Variants in HECW2 observed in about 807,000 individuals in gnomAD.
HECW2 encodes the protein HECT, C2 and WW domain containing E3 ubiquitin protein ligase 2.
Under a neutral mutation model 175.2 loss-of-function variants are expected in HECW2, and 61 were observed. That is an observed-to-expected ratio of 0.35 (90% CI 0.28 to 0.43). HECW2 has a LOEUF of 0.43. Ranked by LOEUF, HECW2 falls within the 20% of genes least tolerant of loss-of-function variation. HECW2 has a pLI of 1.00. For missense variants in HECW2, 1,524 were observed against 2,000.5 expected (o/e 0.76, Z 4.54); for synonymous variants, 671 against 731.0 (o/e 0.92, Z 1.32).
At chr2:196,308,521 C>G (rs542690061) in intron 10 of HECW2, among the ~76,000 whole-genome samples, 3 of 152,132 alleles carry the variant, frequency 2.0e-5, no homozygotes, top group Non-Finnish European at 2.9e-5. Context: ...GACTTCCACA[C>G]GCATATTCAT....
At chr2:196,241,922 G>T (rs1296137456) in intron 20 of HECW2, among the ~76,000 whole-genome samples, 162 bp downstream of exon 20, 3 of 152,092 alleles carry the variant, frequency 2.0e-5, no homozygotes, top group Non-Finnish European at 2.9e-5. Flanking sequence ...TTCATTCCAG[G>T]ACTATGTTTT....
chr2:196,468,672 A>G (rs74662570), intron 1 of HECW2, among the ~76,000 whole-genome samples: 156 of 152,280 alleles, frequency 1.0e-3, no homozygotes, highest in African/African-American at 3.6e-3. Flanking sequence ...CTGCTTGTTA[A>G]TATTTCCACT....
intron 2 of HECW2, among the ~76,000 whole-genome samples, chr2:196,425,729 G>C (rs1159879054): frequency 6.6e-6 from 1 of 152,032 alleles, no homozygotes; most frequent in Admixed American, 6.6e-5. Context: ...TAAAGAAAGT[G>C]GTTTCCTGAG....
chr2:196,560,209 G>A (rs191320390), intron 1 of HECW2, among the ~76,000 whole-genome samples: 148 of 152,216 alleles, frequency 9.7e-4, no homozygotes, highest in South Asian at 3.3e-3. Context: ...GCAATGGCGC[G>A]ATCTCGGCTC....
chr2:196,525,047 T>A (rs1280602850), intron 1 of HECW2, among the ~76,000 whole-genome samples: 4 of 141,746 alleles, frequency 2.8e-5, no homozygotes, highest in Non-Finnish European at 4.5e-5. Flanking sequence ...ACTTTCTGTC[T>A]CCTTGATCTG....
At chr2:196,396,981 C>T (rs970316542) in intron 2 of HECW2, among the ~76,000 whole-genome samples, 2 of 151,928 alleles carry the variant, frequency 1.3e-5, no homozygotes, top group East Asian at 1.9e-4. Context: ...GGCGTGGTGG[C>T]GGGCACCTGT....
intron 15 of HECW2, 85 bp downstream of exon 15, chr2:196,278,443 A>T: frequency 1.4e-6 from 2 of 1,428,686 alleles, no homozygotes; most frequent in Non-Finnish European, 9.5e-7. Context: ...AAAATGCTTT[A>T]AAAAAATCAG....
chr2:196,488,904 T>C (rs1242835427), intron 1 of HECW2, among the ~76,000 whole-genome samples: 1 of 152,182 alleles, frequency 6.6e-6, no homozygotes, highest in Non-Finnish European at 1.5e-5. Flanking sequence ...AGAAGCACTC[T>C]ATAAACATTA....
chr2:196,527,080 G>A (rs1446001335), intron 1 of HECW2, among the ~76,000 whole-genome samples: 3 of 152,206 alleles, frequency 2.0e-5, no homozygotes, highest in African/African-American at 7.2e-5. Context: ...CCCCAGCCTT[G>A]CTGCCGCCTT....
In HECW2 at chr2:196,410,141, T is replaced by C. The variant is rs1020955151; in HGVS notation, c.292+22991A>G. 4.6e-5 allele frequency among the ~76,000 whole-genome samples: 7 copies of C among 152,282 alleles called. No individual in the cohort carries two copies. In the South Asian group the frequency reaches 1.5e-3, roughly 32 times the overall value. On this transcript the variant is annotated intron_variant, in intron 2 of 28. Coordinates refer to ENST00000644978, the MANE Select transcript of HECW2 (RefSeq NM_001348768.2). ...AGTGTTATTGTGCAAGGTTTCATCC[T>C]GAAAAAAAATGGAAATGTTGCTTCT...
chr2:196,361,551 C>A (rs1693587835), intron 2 of HECW2, among the ~76,000 whole-genome samples: 1 of 152,074 alleles, frequency 6.6e-6, no homozygotes, highest in South Asian at 2.1e-4. Context: ...ACAAGCAGAA[C>A]CCTAAAAATT....
At position 196,196,311 on chromosome 2, in the gene HECW2, A is replaced by C. The variant is rs2105738962; in HGVS notation, c.*4966T>G. Reference sequence around the variant, plus strand: ...CTTAAGCCACAATTCAGAAAGCTTTAATGTCTTCAGCATTCCTTTGCATCC... The same window carrying C: ...CTTAAGCCACAATTCAGAAAGCTTTCATGTCTTCAGCATTCCTTTGCATCC... On this transcript the variant is annotated 3_prime_UTR_variant, in exon 29 of 29. Coordinates refer to ENST00000644978, the MANE Select transcript of HECW2 (RefSeq NM_001348768.2). 6.6e-6 allele frequency: 1 copy of C among 152,324 alleles called. No individual in the cohort carries two copies. Among genetic ancestry groups the C allele is most frequent in the Non-Finnish European group, 1.5e-5 (1 of 68,044 alleles). The allele number at this position is 152,324 out of a possible 1,614,324, so 9.4% of individuals were successfully genotyped here.
intron 2 of HECW2, among the ~76,000 whole-genome samples, chr2:196,390,604 G>T (rs538292214): frequency 6.6e-6 from 1 of 152,190 alleles, no homozygotes; most frequent in African/African-American, 2.4e-5. Context: ...ATGTGGTAGA[G>T]AAAGTACTGT....
chr2:196,306,595 T>C lies in HECW2; in HGVS notation c.2707A>G (p.Ile903Val). ...QASADFRREN[I>V]LPHSTSRSRI... Reference sequence around the variant, plus strand: ...GATCTGGAGGTAGAGTGAGGCAGGATGTTCTCCCGTCGGAAATCTAGATGG... The same window carrying C: ...GATCTGGAGGTAGAGTGAGGCAGGACGTTCTCCCGTCGGAAATCTAGATGG... The change falls in exon 13 of 29, where the codon ATC (isoleucine) becomes GTC (valine). Residue 903 changes from isoleucine to valine, a missense_variant. Transcript: ENST00000644978. 1.2e-6 allele frequency: 2 copies of C among 1,612,534 alleles called. No individual in the cohort carries two copies. Among genetic ancestry groups the C allele is most frequent in the Non-Finnish European group, 1.7e-6 (2 of 1,179,316 alleles).
intron 1 of HECW2, among the ~76,000 whole-genome samples, chr2:196,505,403 G>A (rs1335938520): frequency 6.6e-6 from 1 of 152,190 alleles, no homozygotes; most frequent in East Asian, 1.9e-4. Context: ...AGCTGGGTGT[G>A]GTGGTGTGTA....
chr2:196,551,817 T>C (rs972019891), intron 1 of HECW2, among the ~76,000 whole-genome samples: 2 of 152,266 alleles, frequency 1.3e-5, no homozygotes, highest in Admixed American at 1.3e-4. Flanking sequence ...TATTCAGTCA[T>C]GCATTCTTTT....
chr2:196,279,238 C>T (rs13408340), intron 14 of HECW2, among the ~76,000 whole-genome samples: 3,822 of 152,110 alleles, frequency 0.025, 175 homozygotes, highest in African/African-American at 0.087. Context: ...TTAGTAGAGA[C>T]GGGGTTTCAC....
intron 2 of HECW2, among the ~76,000 whole-genome samples, chr2:196,425,135 T>C (rs1695507184): frequency 6.6e-6 from 1 of 151,578 alleles, no homozygotes. Context: ...AAAGCCAAAA[T>C]GACAGCACAT....
intron 22 of HECW2, among the ~76,000 whole-genome samples, chr2:196,227,076 A>G (rs1320434687): frequency 6.6e-6 from 1 of 152,258 alleles, no homozygotes; most frequent in Non-Finnish European, 1.5e-5. Context: ...CAGCCATTTT[A>G]AGAACAATGT....
Sources: gnomAD v4.1 joint callset for allele counts (sites outside exome capture counted in the v4.1 genomes callset) on GRCh38, gnomAD v4.1.1 for gene constraint, MANE v1.5 for transcripts, NCBI Gene and HGNC (gene_info 2026-07-23, HGNC 2026-07-21) for gene names.